KIF6: variants seen among roughly 807,000 people sequenced by gnomAD.
KIF6 encodes the protein kinesin-like protein KIF6.
Under a neutral mutation model 112.7 loss-of-function variants are expected in KIF6, and 106 were observed. That is an observed-to-expected ratio of 0.94 (90% CI 0.80 to 1.11). KIF6 has a LOEUF of 1.11. KIF6 is among the 50% of genes least tolerant of loss of function. The pLI is 0.00. For missense variants in KIF6, 929 were observed against 964.0 expected (o/e 0.96, Z 0.48); for synonymous variants, 339 against 339.9 (o/e 1.00, Z 0.03).
intron 13 of KIF6, among the ~76,000 whole-genome samples, chr6:39,431,952 G>C (rs1260222137): frequency 6.8e-6 from 1 of 146,700 alleles, no homozygotes; most frequent in Non-Finnish European, 1.5e-5. Flanking sequence ...TGCATCTATA[G>C]AGCCATTTTT....
At chr6:39,719,347 AAG>A (rs34594101) in intron 2 of KIF6, among the ~76,000 whole-genome samples, 61 of 149,890 alleles carry the variant, frequency 4.1e-4, no homozygotes, top group South Asian at 1.1e-3. Context: ...TAAAAAGAAA[AAG>A]AGAGAGAGAG....
intron 6 of KIF6, among the ~76,000 whole-genome samples, chr6:39,603,012 C>T (rs1406428461): frequency 6.6e-6 from 1 of 152,054 alleles, no homozygotes; most frequent in Non-Finnish European, 1.5e-5. Flanking sequence ...ATTGTTGTTC[C>T]AAATGGAGTT....
intron 19 of KIF6, among the ~76,000 whole-genome samples, chr6:39,352,004 G>C (rs944808759): frequency 1.3e-5 from 2 of 152,230 alleles, no homozygotes; most frequent in Non-Finnish European, 2.9e-5. Flanking sequence ...CAGGTGCCCA[G>C]GTGAATGCAT....
rs1561863880 is a variant in KIF6, at chr6:39,613,190, TCTGCAATCATTCGGTTGGTGTCTC to T, written c.614_637del (p.Gly205_Ala212del). 1 of 1,591,702 alleles carries T rather than the reference TCTGCAATCATTCGGTTGGTGTCTC, an allele frequency of 6.3e-7. No individual in the cohort carries two copies. Among genetic ancestry groups the T allele is most frequent in the South Asian group, 1.2e-5 (1 of 86,956 alleles). ...AGCTTGCAGAGAGAAGTTTATTACC[TCTGCAATCATTCGGTTGGTGTCTC>T]CTAAAAAAAGCAAATTCAGAGCTTC... On this transcript the variant is annotated inframe_deletion and splice_region_variant, in exon 6 of 23. Transcript: ENST00000287152.
intron 10 of KIF6, among the ~76,000 whole-genome samples, chr6:39,570,766 C>T (rs1780595813): frequency 6.6e-6 from 1 of 152,140 alleles, no homozygotes; most frequent in Non-Finnish European, 1.5e-5. Flanking sequence ...CCTGCCACCC[C>T]ATGAAGAAGG....
rs371066947 is a variant in KIF6 at position 39,362,511 on chromosome 6, C to T, written c.1869G>A (p.Ser623=). 83 of 1,613,310 alleles carry T rather than the reference C, an allele frequency of 5.1e-5. No individual in the cohort carries two copies. The African/African-American group carries it at 5.3e-4, about 10-fold the overall frequency. Residue 623 remains serine, a synonymous_variant, in exon 17 of 23, where the codon TCG becomes TCA. Transcript: ENST00000287152. The stretch of plus-strand genomic sequence containing the variant: ...GCATCAGAGGCACGGCCATGTTTTC[C>T]GAGATTCCTGTAGAAGGAAGGTGCC... ...RHIQQVALGI[S]ENMAVPLMPD...
At chr6:39,547,730 A>G (rs950227509) in intron 10 of KIF6, among the ~76,000 whole-genome samples, 1 of 152,176 alleles carries the variant, frequency 6.6e-6, no homozygotes, top group Non-Finnish European at 1.5e-5. Context: ...GCTTTACATC[A>G]TTATATTTCT....
chr6:39,470,432 C>T (rs1774052260), intron 13 of KIF6, among the ~76,000 whole-genome samples: 1 of 152,144 alleles, frequency 6.6e-6, no homozygotes, highest in Admixed American at 6.5e-5. Context: ...CTGGTCATAG[C>T]AGAACATCCA....
chr6:39,594,521 G>A lies in KIF6; in HGVS notation c.846+1533C>T, dbSNP rs9394617. On this transcript the variant is annotated intron_variant, in intron 7 of 22. Transcript: ENST00000287152. ...ATGCTGACTCTTGTTAAAAACACTAGAATGATCTGAATACCAGGCAGGCCT... is the reference window on the plus strand; with the variant it reads ...ATGCTGACTCTTGTTAAAAACACTAAAATGATCTGAATACCAGGCAGGCCT... 3.3e-5 allele frequency among the ~76,000 whole-genome samples: 5 copies of A among 152,300 alleles called. 1 individual carries two copies. The South Asian group carries it at 1.0e-3, about 32-fold the overall frequency.
At chr6:39,650,967 G>C (rs1316728600) in intron 3 of KIF6, among the ~76,000 whole-genome samples, 1 of 151,966 alleles carries the variant, frequency 6.6e-6, no homozygotes, top group African/African-American at 2.4e-5. Context: ...GAAATTTGCA[G>C]TGCAAGGTAA....
chr6:39,511,555 C>G (rs1381867133), intron 13 of KIF6, among the ~76,000 whole-genome samples: 3 of 152,116 alleles, frequency 2.0e-5, no homozygotes, highest in Non-Finnish European at 4.4e-5. Flanking sequence ...GGATCTAGAA[C>G]TAGAAATACC....
chr6:39,463,448 A>G (rs1019024372), intron 13 of KIF6, among the ~76,000 whole-genome samples: 1 of 152,254 alleles, frequency 6.6e-6, no homozygotes, highest in Non-Finnish European at 1.5e-5. Flanking sequence ...TTTCAACAAA[A>G]GAGACGAATA....
At chr6:39,476,791 A>G (rs1441490054) in intron 13 of KIF6, among the ~76,000 whole-genome samples, 4 of 152,226 alleles carry the variant, frequency 2.6e-5, no homozygotes, top group African/African-American at 9.6e-5. Flanking sequence ...TAACATAAAT[A>G]ATTTATTCAC....
intron 10 of KIF6, among the ~76,000 whole-genome samples, chr6:39,562,689 C>A (rs9296301): frequency 0.24 from 36,947 of 152,116 alleles, 5,434 homozygotes; most frequent in African/African-American, 0.39. Flanking sequence ...CATGAGGTTA[C>A]TGGGAAAATT....
chr6:39,661,345 G>C (rs1393553581), intron 3 of KIF6, among the ~76,000 whole-genome samples: 1 of 152,032 alleles, frequency 6.6e-6, no homozygotes, highest in Non-Finnish European at 1.5e-5. Flanking sequence ...AATAGTATAT[G>C]TTCTTTGTCA....
intron 17 of KIF6, among the ~76,000 whole-genome samples, chr6:39,361,526 T>C (rs962492062): frequency 7.6e-6 from 1 of 131,638 alleles, no homozygotes. Context: ...ACCACTGCAC[T>C]GCAGCCTGGG....
intron 13 of KIF6, among the ~76,000 whole-genome samples, chr6:39,523,568 C>T (rs1337384718): frequency 1.4e-5 from 2 of 147,906 alleles, no homozygotes; most frequent in African/African-American, 2.5e-5. Flanking sequence ...GTGTGTCCTA[C>T]ACCTCTGCAC....
chr6:39,470,059 A>C (rs1774024361), intron 13 of KIF6, among the ~76,000 whole-genome samples: 1 of 152,194 alleles, frequency 6.6e-6, no homozygotes, highest in Non-Finnish European at 1.5e-5. Context: ...TTGACCATAA[A>C]ACAAGCCTTC....
intron 9 of KIF6, among the ~76,000 whole-genome samples, chr6:39,579,586 A>C (rs1781176883): frequency 6.6e-6 from 1 of 152,070 alleles, no homozygotes; most frequent in South Asian, 2.1e-4. Flanking sequence ...ATATAATCTA[A>C]TTAGCACCTT....
Sources: gnomAD v4.1 joint callset for allele counts (sites outside exome capture counted in the v4.1 genomes callset) on GRCh38, gnomAD v4.1.1 for gene constraint, MANE v1.5 for transcripts, NCBI Gene and HGNC (gene_info 2026-07-23, HGNC 2026-07-21) for gene names.